Variants in REPS2 observed in about 807,000 individuals in gnomAD.
The protein encoded by REPS2 is ralBP1-associated Eps domain-containing protein 2.
In REPS2, 23 loss-of-function variants were observed where a neutral mutation model predicts 53.6. The observed-to-expected ratio is 0.43, with a 90% CI of 0.31 to 0.61. The LOEUF (loss-of-function observed/expected upper bound fraction) is 0.61, where lower values mean the gene tolerates loss of function less well. Among genes scored for constraint, REPS2 ranks in the 20% least tolerant of loss-of-function variants. REPS2 has a pLI of 0.11. For synonymous variants in REPS2, 238 were observed against 218.6 expected (o/e 1.09, Z -0.78); for missense variants, 446 against 534.9 (o/e 0.83, Z 1.64).
rs758601315 is a variant in REPS2, at chrX:17,135,319, A to C, written c.1721A>C (p.Asn574Thr). ...ATTCGTAGGAAATTCAGACCAGAAAACCAAGCTACAGAAAACCAAGAGCCT... is the reference window on the plus strand; with the variant it reads ...ATTCGTAGGAAATTCAGACCAGAAACCCAAGCTACAGAAAACCAAGAGCCT... ...KPIRRKFRPE[N>T]QATENQEPST... The change falls in exon 16 of 18, where the codon AAC becomes ACC. Residue 574 changes from asparagine to threonine, a missense_variant. Asn to Thr is a moderately conservative substitution (Grantham distance 65). Coordinates refer to ENST00000357277, the MANE Select transcript of REPS2 (RefSeq NM_004726.3). 2 of 1,211,806 alleles carry C rather than the reference A, an allele frequency of 1.7e-6. No individual in the cohort carries two copies. The highest frequency in any genetic ancestry group is 3.5e-5 in the South Asian group (2 of 56,975).
Position 16,999,170 on chromosome X carries a change from T to C in REPS2, c.274-7051T>C, listed in dbSNP as rs753383693. Among the ~76,000 whole-genome samples, 30 of 111,976 alleles carry C rather than the reference T, an allele frequency of 2.7e-4. 1 individual carries two copies. In the South Asian group the frequency reaches 0.011, roughly 40 times the overall value. On this transcript the variant is annotated intron_variant, in intron 1 of 17. Transcript: ENST00000357277. ...CTTAGATGGTAGACCTCTAAGTGTT[T>C]TCTAGTTTTCTAGTCTGTGACTTAG...
At chrX:17,116,209 C>T (rs1417310683) in intron 14 of REPS2, among the ~76,000 whole-genome samples, 1 of 110,127 alleles carries the variant, frequency 9.1e-6, no homozygotes, top group Non-Finnish European at 1.9e-5. Context: ...ATGTGTCTTT[C>T]ATCTTTTTTT....
chrX:16,996,450 TC>T (rs1048522043), intron 1 of REPS2, among the ~76,000 whole-genome samples: 48 of 111,773 alleles, frequency 4.3e-4, no homozygotes, highest in African/African-American at 1.5e-3. Flanking sequence ...GAAAGGCCCT[TC>T]CCCAGCTTTA....
chrX:17,011,849 C>G (rs976434187), intron 2 of REPS2, among the ~76,000 whole-genome samples: 2 of 109,154 alleles, frequency 1.8e-5, no homozygotes, highest in African/African-American at 3.3e-5. Context: ...GTAATCCCTG[C>G]TACTCAGGAG....
chrX:16,973,579 T>C (rs937570618), intron 1 of REPS2, among the ~76,000 whole-genome samples: 7 of 112,030 alleles, frequency 6.2e-5, no homozygotes, highest in African/African-American at 2.3e-4. Context: ...CTTCTCAATA[T>C]GGGCATTTCT....
chrX:16,949,518 C>A (rs1376222454), intron 1 of REPS2, among the ~76,000 whole-genome samples: 4 of 112,303 alleles, frequency 3.6e-5, no homozygotes, highest in African/African-American at 1.3e-4. Flanking sequence ...AGCGATTCTT[C>A]CGCCTCAGCC....
At chrX:17,096,915 A>T (rs1003564409) in intron 13 of REPS2, among the ~76,000 whole-genome samples, 1 of 111,148 alleles carries the variant, frequency 9.0e-6, no homozygotes, top group Non-Finnish European at 1.9e-5. Flanking sequence ...AGGAGAGGGG[A>T]GAGAAAAATG....
the REPS2 span, among the ~76,000 whole-genome samples, chrX:17,185,449 A>C: frequency 1.2e-4 from 13 of 111,788 alleles, no homozygotes; most frequent in African/African-American, 4.2e-4. Context: ...GCATTTTATC[A>C]TGCCCCCATT....
intron 13 of REPS2, among the ~76,000 whole-genome samples, chrX:17,090,276 C>G (rs2062597644): frequency 8.9e-6 from 1 of 112,576 alleles, no homozygotes; most frequent in Non-Finnish European, 1.9e-5. Flanking sequence ...ACTTACAGTT[C>G]CACGTGGCCG....
intron 2 of REPS2, among the ~76,000 whole-genome samples, chrX:17,016,146 A>G (rs951442696): frequency 2.6e-4 from 29 of 111,359 alleles, no homozygotes; most frequent in African/African-American, 9.5e-4. Flanking sequence ...TTTGATTTGC[A>G]TTTCTCTGAT....
At chrX:17,016,760 C>CTT (rs139092298) in intron 2 of REPS2, among the ~76,000 whole-genome samples, 1 of 63,661 alleles carries the variant, frequency 1.6e-5, no homozygotes, top group Admixed American at 2.1e-4. Flanking sequence ...TTTCTTTTTT[C>CTT]TTTTTTTTTT....
At chrX:17,177,536 C>T in the REPS2 span, among the ~76,000 whole-genome samples, 1 of 111,710 alleles carries the variant, frequency 9.0e-6, no homozygotes, top group African/African-American at 3.3e-5. Context: ...TGGCTTATGG[C>T]TGAACTGGGA....
intron 1 of REPS2, among the ~76,000 whole-genome samples, chrX:16,972,706 G>A (rs912863809): frequency 1.2e-4 from 13 of 111,459 alleles, no homozygotes; most frequent in African/African-American, 4.2e-4. Context: ...AGGTATTATT[G>A]TTTATAGTGG....
intron 3 of REPS2, among the ~76,000 whole-genome samples, chrX:17,024,715 A>G (rs2061620526): frequency 8.9e-6 from 1 of 111,800 alleles, no homozygotes; most frequent in African/African-American, 3.3e-5. Context: ...TGAAAATGAA[A>G]TCTATCCACA....
the REPS2 span, among the ~76,000 whole-genome samples, chrX:17,176,685 G>A: frequency 2.7e-5 from 3 of 111,815 alleles, no homozygotes; most frequent in African/African-American, 6.5e-5. Flanking sequence ...TCTGCCCTTC[G>A]TGCATAGGTC....
intron 14 of REPS2, among the ~76,000 whole-genome samples, chrX:17,115,026 C>G (rs966246728): frequency 1.8e-5 from 2 of 111,884 alleles, no homozygotes; most frequent in South Asian, 3.7e-4. Context: ...GGGTGGGTTG[C>G]CCCTCCACAC....
At chrX:17,124,769 C>T (rs1171063780) in intron 14 of REPS2, among the ~76,000 whole-genome samples, 1 of 108,191 alleles carries the variant, frequency 9.2e-6, no homozygotes, top group African/African-American at 3.4e-5. Context: ...AGCCTGAGTT[C>T]GTTTTTCTGA....
At chrX:17,157,074 G>A (rs964439583), downstream of REPS2, among the ~76,000 whole-genome samples, 3 of 111,823 alleles carry the variant, frequency 2.7e-5, no homozygotes, top group African/African-American at 6.5e-5. Flanking sequence ...GGCAGAATTC[G>A]TAGACTATTT....
the REPS2 span, among the ~76,000 whole-genome samples, chrX:17,189,676 G>A: frequency 8.2e-5 from 9 of 110,311 alleles, no homozygotes; most frequent in East Asian, 2.6e-3. Context: ...TGTCTCTGTG[G>A]TGTGTGTGTA....
Sources: gnomAD v4.1 joint callset for allele counts (sites outside exome capture counted in the v4.1 genomes callset) on GRCh38, gnomAD v4.1.1 for gene constraint, MANE v1.5 for transcripts, NCBI Gene and HGNC (gene_info 2026-07-23, HGNC 2026-07-21) for gene names.